Variants in GPHN observed in about 807,000 individuals in gnomAD.
GPHN encodes the protein gephyrin.
Under a neutral mutation model 95.5 loss-of-function variants are expected in GPHN, and 17 were observed. That is an observed-to-expected ratio of 0.18 (90% CI 0.12 to 0.27). The LOEUF (loss-of-function observed/expected upper bound fraction) is 0.27. Among genes scored for constraint, GPHN ranks in the 10% least tolerant of loss-of-function variants. The pLI is 1.00. For missense variants in GPHN, 660 were observed against 978.1 expected, an observed-to-expected ratio of 0.67 and a Z score of 4.34; for synonymous variants, 320 against 322.5, an observed-to-expected ratio of 0.99 and a Z score of 0.08.
At chr14:67,600,239 T>G in the GPHN span, 1 of 1,507,628 alleles carries the variant, frequency 6.6e-7, no homozygotes, top group South Asian at 1.3e-5. Flanking sequence ...CGCGCGGCGC[T>G]GCACTGCGCT....
At chr14:67,310,266 C>T in the GPHN span, among the ~76,000 whole-genome samples, 1 of 152,084 alleles carries the variant, frequency 6.6e-6, no homozygotes, top group Non-Finnish European at 1.5e-5. Flanking sequence ...TGTTTTTTCA[C>T]ATCTAGAATG....
At chr14:67,693,187 C>A in the GPHN span, 6 of 550,072 alleles carry the variant, frequency 1.1e-5, no homozygotes, top group Non-Finnish European at 1.9e-5. Context: ...GAAACAGTGT[C>A]CATTTAAGGA....
rs970248522 is a variant in GPHN at position 66,922,804 on chromosome 14, A to G, written c.595A>G (p.Thr199Ala). Reference sequence around the variant, plus strand: ...TCCCCCTCTTTCCCCTCCTCCTACTACCAGCCCCCATAAACAGACAGAAGA... The same window carrying G: ...TCCCCCTCTTTCCCCTCCTCCTACTGCCAGCCCCCATAAACAGACAGAAGA... ...PPPPLSPPPT[T>A]SPHKQTEDKG... The change falls in exon 7 of 23, where the codon ACC becomes GCC. Residue 199 changes from threonine to alanine, a missense_variant. This residue lies in a region of GPHN where 190 missense variants were observed against 224.7 expected (regional missense o/e 0.85). Transcript: ENST00000478722. 5 of 1,612,592 alleles carry G rather than the reference A, an allele frequency of 3.1e-6. No homozygotes were observed. In the African/African-American group the frequency reaches 4.0e-5, roughly 13 times the overall value.
At chr14:66,832,902 A>G (rs1367433914) in intron 4 of GPHN, among the ~76,000 whole-genome samples, 1 of 152,178 alleles carries the variant, frequency 6.6e-6, no homozygotes, top group Non-Finnish European at 1.5e-5. Flanking sequence ...AAAAAGGAAG[A>G]CCTTAAAGGT....
chr14:66,722,042 C>A (rs2070796300), intron 2 of GPHN, among the ~76,000 whole-genome samples: 1 of 150,160 alleles, frequency 6.7e-6, no homozygotes, highest in East Asian at 2.0e-4. Flanking sequence ...ACACTAGAAT[C>A]ACACATCATT....
the GPHN span, among the ~76,000 whole-genome samples, chr14:67,518,857 G>C: frequency 6.6e-6 from 1 of 152,176 alleles, no homozygotes; most frequent in Non-Finnish European, 1.5e-5. Flanking sequence ...CCTGCAGCCC[G>C]ATCAGAAAGG....
chr14:66,737,639 C>G (rs147794838), intron 2 of GPHN, among the ~76,000 whole-genome samples: 147 of 152,244 alleles, frequency 9.7e-4, no homozygotes, highest in African/African-American at 3.4e-3. Context: ...TCTTTAATAC[C>G]AAGGCTGTAG....
At chr14:67,026,569 T>G (rs1242257754) in intron 10 of GPHN, among the ~76,000 whole-genome samples, 1 of 152,230 alleles carries the variant, frequency 6.6e-6, no homozygotes, top group African/African-American at 2.4e-5. Context: ...GTTGCTTGTG[T>G]ATATGGTAAA....
At chr14:67,444,195 G>A in the GPHN span, among the ~76,000 whole-genome samples, 1 of 152,112 alleles carries the variant, frequency 6.6e-6, no homozygotes, top group Non-Finnish European at 1.5e-5. Context: ...AAACCAAGCT[G>A]TGCCCCGACC....
intron 1 of GPHN, among the ~76,000 whole-genome samples, chr14:66,603,465 G>T (rs1164632285): frequency 6.6e-6 from 1 of 151,742 alleles, no homozygotes; most frequent in African/African-American, 2.4e-5. Context: ...ATTTAAAATG[G>T]TTATATAATT....
the GPHN span, chr14:67,678,015 T>C: frequency 9.8e-6 from 2 of 203,204 alleles, no homozygotes; most frequent in Non-Finnish European, 2.0e-5. Flanking sequence ...ATAGCTTAGA[T>C]TCTCCTAGGT....
At chr14:67,646,284 T>C in the GPHN span, among the ~76,000 whole-genome samples, 1 of 152,164 alleles carries the variant, frequency 6.6e-6, no homozygotes, top group African/African-American at 2.4e-5. Context: ...GTTGGCAACT[T>C]GAGATGGCAA....
intron 18 of GPHN, among the ~76,000 whole-genome samples, chr14:67,146,620 G>A (rs537286123): frequency 4.6e-5 from 7 of 152,192 alleles, no homozygotes; most frequent in South Asian, 2.1e-4. Flanking sequence ...GATGATAACC[G>A]ATCACAAAAA....
chr14:66,951,597 A>C (rs1019433682), intron 8 of GPHN, among the ~76,000 whole-genome samples: 1 of 152,142 alleles, frequency 6.6e-6, no homozygotes, highest in Non-Finnish European at 1.5e-5. Context: ...AAAGGGCAAA[A>C]AAACAACCAA....
chr14:67,021,647 A>G (rs2073634131), intron 9 of GPHN, among the ~76,000 whole-genome samples: 1 of 152,082 alleles, frequency 6.6e-6, no homozygotes, highest in African/African-American at 2.4e-5. Context: ...AAATGTATAT[A>G]AGAGGCATTA....
chr14:67,256,754 T>A, the GPHN span, among the ~76,000 whole-genome samples: 1 of 151,134 alleles, frequency 6.6e-6, no homozygotes, highest in Non-Finnish European at 1.5e-5. Flanking sequence ...AAGAAAAAAA[T>A]CTAATAGAGT....
the GPHN span, among the ~76,000 whole-genome samples, chr14:67,292,922 T>A: frequency 1.6e-4 from 24 of 152,178 alleles, no homozygotes; most frequent in African/African-American, 5.8e-4. Flanking sequence ...CAGAACACTG[T>A]TTCATGAAGA....
intron 2 of GPHN, among the ~76,000 whole-genome samples, chr14:66,774,423 ATTTACT>A (rs1054109470): frequency 1.3e-5 from 2 of 152,334 alleles, no homozygotes; most frequent in African/African-American, 4.8e-5. Context: ...AGAAAAAAAA[ATTTACT>A]TTTATCCCAA....
the GPHN span, chr14:67,685,020 A>G: frequency 4.4e-6 from 7 of 1,607,348 alleles, no homozygotes; most frequent in South Asian, 7.8e-5. Context: ...CATACCTGAA[A>G]TGATTCCCAC....
Sources: gnomAD v4.1 joint callset for allele counts (sites outside exome capture counted in the v4.1 genomes callset) on GRCh38, gnomAD v4.1.1 for gene constraint, gnomAD v4.1.1 regional missense constraint, MANE v1.5 for transcripts, NCBI Gene and HGNC (gene_info 2026-07-23, HGNC 2026-07-21) for gene names.